Variants in PPFIA4 observed in about 807,000 individuals in gnomAD.
The protein encoded by PPFIA4 is PPFI scaffold protein A4, also known as liprin-alpha-4.
In PPFIA4, 98 loss-of-function variants were observed where a neutral mutation model predicts 145.7. That is an observed-to-expected ratio of 0.67 (90% CI 0.57 to 0.80). The LOEUF is 0.80. Among genes scored for constraint, PPFIA4 ranks in the 30% least tolerant of loss-of-function variants. The probability of loss-of-function intolerance (pLI) is 0.00; values close to 1 mark genes in which losing one functional copy is unlikely to be tolerated. For synonymous variants in PPFIA4, 628 were observed against 649.6 expected (o/e 0.97, Z 0.51); for missense variants, 1,457 against 1,632.7 (o/e 0.89, Z 1.85).
chr1:203,056,757 C>T lies in PPFIA4; in HGVS notation c.2241-27C>T, dbSNP rs61217599. On this transcript the variant is annotated intron_variant, in intron 18 of 29. Coordinates refer to ENST00000295706, the MANE Select transcript of PPFIA4 (RefSeq NM_001304331.2). Reference sequence around the variant, plus strand: ...CACTTAAGTATGTTTCTTCTTATTCCGCCCCCTTCTGGCTGTCACCCTGTA... The same window carrying T: ...CACTTAAGTATGTTTCTTCTTATTCTGCCCCCTTCTGGCTGTCACCCTGTA... The T allele has an allele frequency of 4.9e-5, 75 of 1,536,170 alleles. No individual in the cohort carries two copies. In the African/African-American group the frequency reaches 7.5e-4, roughly 15 times the overall value.
chr1:203,076,758 C>T lies in PPFIA4; in HGVS notation c.*368C>T. 3.3e-6 allele frequency: 1 copy of T among 303,506 alleles called. No individual in the cohort carries two copies. 18.8% of individuals were successfully genotyped at this position (303,506 alleles called of 1,614,324 possible). On this transcript the variant is annotated 3_prime_UTR_variant, in exon 30 of 30. Transcript: ENST00000295706. ...CCTCCACCAGGACCAGGATCCTGGG[C>T]CACAGGCTGGGATGGTCCTTCCAAG...
intron 18 of PPFIA4, 63 bp downstream of exon 18, chr1:203,056,571 G>C (rs1660971138): frequency 1.3e-6 from 2 of 1,568,692 alleles, no homozygotes; most frequent in Admixed American, 1.9e-5. Flanking sequence ...CCCTTCCTCT[G>C]CCTCTGCAGG....
rs899595437 is a variant in PPFIA4, at chr1:203,077,857, G to C, written c.*1467G>C. ...AACCGAGGGCTTCATCAAAGTGAGA[G>C]GAAAGGAAAAGCATCTGGCATGTGT... On this transcript the variant is annotated 3_prime_UTR_variant, in exon 30 of 30. Coordinates refer to ENST00000295706, the MANE Select transcript of PPFIA4 (RefSeq NM_001304331.2). 6.6e-6 allele frequency: 1 copy of C among 152,294 alleles called. No individual in the cohort carries two copies. The highest frequency in any genetic ancestry group is 6.5e-5 in the Admixed American group (1 of 15,284). 9.4% of individuals were successfully genotyped at this position (152,294 alleles called of 1,614,324 possible). A position where few individuals can be genotyped will look rare whatever the true frequency, so the allele number is the denominator to read the frequency against.
Position 203,048,487 on chromosome 1 carries a change from A to C in PPFIA4, c.1225-96A>C. ...GGAGACTGGAGAGAGTGGCTCCCAG[A>C]GGATGAGAAGAGGACAGGGGAGGGA... On this transcript the variant is annotated intron_variant, in intron 10 of 29. Transcript: ENST00000295706. The surrounding 1 kb of genome is among the most constrained non-coding windows in gnomAD (Gnocchi z 5.8). 6.6e-7 allele frequency: 1 copy of C among 1,523,120 alleles called. No individual in the cohort carries two copies. 94.4% of individuals were successfully genotyped at this position (1,523,120 alleles called of 1,614,324 possible).
rs756060438 is a variant in PPFIA4, at chr1:203,075,802, C to T, written c.3574+45C>T. 2.2e-6 allele frequency: 3 copies of T among 1,344,594 alleles called. No individual in the cohort carries two copies. The highest frequency in any genetic ancestry group is 2.9e-6 in the Non-Finnish European group (3 of 1,043,486). The allele number at this position is 1,344,594 out of a possible 1,614,324, so 83.3% of individuals were successfully genotyped here. A position where few individuals can be genotyped will look rare whatever the true frequency, so the allele number is the denominator to read the frequency against. ...GGCATGGCCGAGGCCCAGCCGAGCG[C>T]GGGCTTCTTCCTGGCACCCCAGGGC... On this transcript the variant is annotated intron_variant, in intron 29 of 29. Transcript: ENST00000295706. This position sits in a 1 kb window ranked among gnomAD's most constrained non-coding sequence, Gnocchi z 4.1.
rs1659869450 is a variant in PPFIA4, at chr1:203,043,784, T to C, written c.337-147T>C. The C allele has an allele frequency of 2.3e-6, 2 of 864,334 alleles. No individual in the cohort carries two copies. Among genetic ancestry groups the C allele is most frequent in the Non-Finnish European group, 3.5e-6 (2 of 577,426 alleles). 53.5% of individuals were successfully genotyped at this position (864,334 alleles called of 1,614,324 possible). A position where few individuals can be genotyped will look rare whatever the true frequency, so the allele number is the denominator to read the frequency against. ...GAGTAGTATCAGTTGGGGCGGGAGC[T>C]CTGTGCCCATTTGGAAGTATTTCAG... is the stretch of plus-strand genomic sequence containing the variant. On this transcript the variant is annotated intron_variant, in intron 3 of 29. Transcript: ENST00000295706. The surrounding 1 kb of genome is among the most constrained non-coding windows in gnomAD (Gnocchi z 4.4).
chr1:203,068,360 G>A lies in PPFIA4; in HGVS notation c.3149-93G>A. 3 of 1,157,232 alleles carry A rather than the reference G, an allele frequency of 2.6e-6. No individual in the cohort carries two copies. Among genetic ancestry groups the A allele is most frequent in the Non-Finnish European group, 3.6e-6 (3 of 835,266 alleles). The allele number at this position is 1,157,232 out of a possible 1,614,324, so 71.7% of individuals were successfully genotyped here. ...GGGTCAGAGAGCAGGGTGGACTGCG[G>A]CTCTGGGTTTAGGGAGCTCTGCTTC... On this transcript the variant is annotated intron_variant, in intron 26 of 29. Coordinates refer to ENST00000295706, the MANE Select transcript of PPFIA4 (RefSeq NM_001304331.2). The surrounding 1 kb of genome is among the most constrained non-coding windows in gnomAD (Gnocchi z 4.7).
At position 203,073,241 on chromosome 1, in the gene PPFIA4, T is replaced by TA. The variant is rs1462088404; in HGVS notation, c.3393+1482dup. 3.2e-4 allele frequency among the ~76,000 whole-genome samples: 48 copies of TA among 152,210 alleles called. 2 individuals carry two copies. Among genetic ancestry groups the TA allele is most frequent in the Admixed American group, 3.1e-3 (48 of 15,280 alleles). ...GAAATTGAAGCTCTAAGAGGGAACT[T>TA]ACCTGCTGTGGCAGAGCAGGACCGA... On this transcript the variant is annotated intron_variant, in intron 28 of 29. Transcript: ENST00000295706.
chr1:203,076,175 C>T (rs1662528022), intron 29 of PPFIA4, 166 bp from the exon 30 acceptor site: 2 of 759,566 alleles, frequency 2.6e-6, no homozygotes, highest in Non-Finnish European at 2.2e-6. Flanking sequence ...GCTCCAGTCC[C>T]GCTTACCAGC....
At chr1:203,050,665 AGAG>A (rs1660442306) in intron 13 of PPFIA4, among the ~76,000 whole-genome samples, 1 of 152,186 alleles carries the variant, frequency 6.6e-6, no homozygotes, top group African/African-American at 2.4e-5. Context: ...AGCTTGAAGA[AGAG>A]AAGCCCACGG....
At position 203,056,346 on chromosome 1, in the gene PPFIA4, A is replaced by G. The variant is rs531371554; in HGVS notation, c.2107-29A>G. 4 of 1,611,482 alleles carry G rather than the reference A, an allele frequency of 2.5e-6. No homozygotes were observed. In the South Asian group the frequency reaches 3.3e-5, roughly 13 times the overall value. On this transcript the variant is annotated intron_variant, in intron 17 of 29. Coordinates refer to ENST00000295706, the MANE Select transcript of PPFIA4 (RefSeq NM_001304331.2). Reference sequence around the variant, plus strand: ...AGGCAGGCCCGAGATCTCTCCCTCTATCCCCTGACGGCTCCACTGTCTGTT... The same window carrying G: ...AGGCAGGCCCGAGATCTCTCCCTCTGTCCCCTGACGGCTCCACTGTCTGTT...
intron 1 of PPFIA4, chr1:203,035,164 C>T: frequency 5.0e-6 from 2 of 396,944 alleles, no homozygotes; most frequent in South Asian, 3.5e-5. Flanking sequence ...GTGTCCGACC[C>T]TCCTGTTTTC....
At chr1:203,063,794 C>T (rs1416262) in intron 24 of PPFIA4, 34 bp from the exon 25 acceptor site, 575,620 of 1,611,224 alleles carry the variant, frequency 0.36, 104,475 homozygotes, top group Middle Eastern at 0.4. Context: ...TACCTTCCTC[C>T]CCCATAATAG....
chr1:203,076,345 C>T lies in PPFIA4; in HGVS notation c.3579C>T (p.His1193=). The change falls in exon 30 of 30, where the codon CAC becomes CAT. Residue 1193 remains histidine, a synonymous_variant. Transcript: ENST00000295706. ...CTGTCTCTCTCTCTCCCTCAGCTCA[C>T]TCCCACTATCTCTACGGACACATGC... ...APPKKIMPEA[H]SHYLYGHMLS... is the part of the protein sequence containing the mutation. 6.2e-7 allele frequency: 1 copy of T among 1,606,054 alleles called. No individual in the cohort carries two copies. Among genetic ancestry groups the T allele is most frequent in the Non-Finnish European group, 8.5e-7 (1 of 1,179,748 alleles).
intron 27 of PPFIA4, among the ~76,000 whole-genome samples, chr1:203,069,829 G>C (rs1418270608): frequency 1.4e-5 from 2 of 139,730 alleles, no homozygotes; most frequent in African/African-American, 5.4e-5. Flanking sequence ...AGAGGAGCCT[G>C]GATTTTTCCC....
intron 2 of PPFIA4, among the ~76,000 whole-genome samples, chr1:203,040,470 G>A (rs906352152): frequency 6.6e-6 from 1 of 152,194 alleles, no homozygotes; most frequent in African/African-American, 2.4e-5. Context: ...AGAATACAGA[G>A]CCCTGGTGAA....
rs201224740 is a variant in PPFIA4, at chr1:203,067,825, G to T, written c.3148+33G>T. 6.3e-6 allele frequency: 10 copies of T among 1,588,632 alleles called. No individual in the cohort carries two copies. In the South Asian group the frequency reaches 1.1e-4, roughly 18 times the overall value. ...CGTCAGGCTTGGAGAGGGTTCGGGA[G>T]CAGCCTGCTTGGCTGGTCCCTGCCT... is the stretch of plus-strand genomic sequence containing the variant. On this transcript the variant is annotated intron_variant, in intron 26 of 29. Coordinates refer to ENST00000295706, the MANE Select transcript of PPFIA4 (RefSeq NM_001304331.2).
chr1:203,066,817 C>G (rs1241988454), intron 25 of PPFIA4, among the ~76,000 whole-genome samples: 2 of 152,228 alleles, frequency 1.3e-5, no homozygotes, highest in African/African-American at 2.4e-5. Context: ...AGTCCCTGCT[C>G]TGTGCTAGGG....
intron 25 of PPFIA4, 80 bp downstream of exon 25, chr1:203,064,083 G>C: frequency 6.8e-7 from 1 of 1,468,446 alleles, no homozygotes; most frequent in Non-Finnish European, 9.2e-7. Flanking sequence ...AGGAACAGAG[G>C]TGCCTCCATC....
Sources: allele counts gnomAD v4.1 joint callset (sites outside exome capture counted in the v4.1 genomes callset), GRCh38; gene constraint gnomAD v4.1.1; non-coding constraint Gnocchi (gnomAD v3.1); transcripts MANE v1.5; gene names NCBI Gene and HGNC (gene_info 2026-07-23, HGNC 2026-07-21).